Variants in ADAMTSL1 observed in about 807,000 individuals in gnomAD.
ADAMTSL1 encodes ADAMTS like 1.
A neutral mutation model predicts 201.8 loss-of-function variants in ADAMTSL1; 126 were observed. The ratio of observed to expected loss-of-function variants is 0.62; its 90% confidence interval spans 0.54 to 0.72. The LOEUF is 0.72. Among genes scored for constraint, ADAMTSL1 ranks in the 30% least tolerant of loss-of-function variants. The probability of loss-of-function intolerance (pLI) is 0.00; values close to 1 mark genes in which losing one functional copy is unlikely to be tolerated. For synonymous variants in ADAMTSL1, 1,121 were observed against 903.4 expected, an observed-to-expected ratio of 1.24 and a Z score of -4.32; for missense variants, 2,679 against 2,277.8, an observed-to-expected ratio of 1.18 and a Z score of -3.59.
At chr9:18,227,963 A>G (rs1416426001) in intron 2 of ADAMTSL1, among the ~76,000 whole-genome samples, 1 of 152,168 alleles carries the variant, frequency 6.6e-6, no homozygotes, top group African/African-American at 2.4e-5. Context: ...GGAACTCACA[A>G]TGCATTCTTC....
At chr9:18,168,229 G>A (rs1259970350) in intron 2 of ADAMTSL1, among the ~76,000 whole-genome samples, 6 of 151,694 alleles carry the variant, frequency 4.0e-5, no homozygotes, top group African/African-American at 1.2e-4. Flanking sequence ...TCATCATTTA[G>A]CATTAGGTAT....
intron 1 of ADAMTSL1, among the ~76,000 whole-genome samples, chr9:17,937,636 T>TG (rs372965640): frequency 0.017 from 2,508 of 151,364 alleles, 29 homozygotes; most frequent in Middle Eastern, 0.082. Flanking sequence ...ATCTTGTTGA[T>TG]TTAAATTCCT....
intron 5 of ADAMTSL1, among the ~76,000 whole-genome samples, chr9:18,628,892 G>C (rs947721234): frequency 3.9e-5 from 6 of 152,064 alleles, no homozygotes; most frequent in Non-Finnish European, 8.8e-5. Context: ...TCACTATGTT[G>C]CCCAGACTGA....
chr9:18,179,760 A>G (rs975752111), intron 2 of ADAMTSL1, among the ~76,000 whole-genome samples: 6 of 152,168 alleles, frequency 3.9e-5, no homozygotes, highest in African/African-American at 9.7e-5. Flanking sequence ...CCAGAATTTC[A>G]TATCCAGCCA....
chr9:18,448,483 C>G (rs1216424035), intron 2 of ADAMTSL1, among the ~76,000 whole-genome samples: 3 of 152,042 alleles, frequency 2.0e-5, no homozygotes, highest in African/African-American at 7.3e-5. Flanking sequence ...TTTTAAACCC[C>G]TAAAAGAATT....
rs1032907275 is a variant in ADAMTSL1, at chr9:18,745,336, C to T, written c.2007-7962C>T. ...TATTTATTTATGAATTTCCACTTTG[C>T]TCAAAGGATTAAAATATATTACTAT... On this transcript the variant is annotated intron_variant, in intron 15 of 28. Coordinates refer to ENST00000380548, the MANE Select transcript of ADAMTSL1 (RefSeq NM_001040272.6). Among the ~76,000 whole-genome samples the T allele has an allele frequency of 3.3e-5, 5 of 152,186 alleles. 1 individual carries two copies.
At chr9:18,526,033 A>T (rs943858267) in intron 2 of ADAMTSL1, among the ~76,000 whole-genome samples, 3 of 152,172 alleles carry the variant, frequency 2.0e-5, no homozygotes, top group Non-Finnish European at 4.4e-5. Context: ...TCCAATGTTG[A>T]CAGTGGGGTG....
At chr9:18,722,049 T>C (rs1409755860) in intron 15 of ADAMTSL1, among the ~76,000 whole-genome samples, 46 of 152,200 alleles carry the variant, frequency 3.0e-4, no homozygotes, top group Admixed American at 3.0e-3. Context: ...AATTGCAGAA[T>C]ATAAGGGCCT....
At chr9:18,431,517 A>G (rs1291034790) in intron 2 of ADAMTSL1, among the ~76,000 whole-genome samples, 2 of 152,232 alleles carry the variant, frequency 1.3e-5, no homozygotes, top group Non-Finnish European at 2.9e-5. Context: ...ATAGGACTCT[A>G]TACTAGAAAC....
chr9:18,033,661 G>A (rs905675436), intron 1 of ADAMTSL1, among the ~76,000 whole-genome samples: 16 of 152,166 alleles, frequency 1.1e-4, no homozygotes, highest in African/African-American at 3.9e-4. Flanking sequence ...CTCCAGGTTT[G>A]AACTTTAAGA....
intron 4 of ADAMTSL1, among the ~76,000 whole-genome samples, chr9:18,621,407 C>T (rs1826023732): frequency 6.6e-6 from 1 of 152,076 alleles, no homozygotes; most frequent in East Asian, 1.9e-4. Context: ...GACTCATGGC[C>T]TCAACTATAG....
At chr9:18,006,585 GTTACGCA>G (rs1283029788) in intron 1 of ADAMTSL1, among the ~76,000 whole-genome samples, 8 of 151,968 alleles carry the variant, frequency 5.3e-5, no homozygotes, top group African/African-American at 1.9e-4. Context: ...AACCAAGTTA[GTTACGCA>G]TGTGAAAAAG....
At chr9:18,207,692 G>A (rs763353172) in intron 2 of ADAMTSL1, among the ~76,000 whole-genome samples, 3 of 152,100 alleles carry the variant, frequency 2.0e-5, no homozygotes, top group African/African-American at 7.2e-5. Flanking sequence ...AACTTTCGAC[G>A]TGGCCTCATC....
chr9:18,571,912 G>A (rs944553188), intron 3 of ADAMTSL1, among the ~76,000 whole-genome samples: 1 of 152,170 alleles, frequency 6.6e-6, no homozygotes, highest in African/African-American at 2.4e-5. Context: ...GTTGTTTGTG[G>A]CCAGTTGCGG....
At chr9:18,443,514 G>T (rs1012541540) in intron 2 of ADAMTSL1, among the ~76,000 whole-genome samples, 2 of 152,328 alleles carry the variant, frequency 1.3e-5, no homozygotes, top group Admixed American at 1.3e-4. Flanking sequence ...TCTTTAGTAA[G>T]CCATGGGAGT....
chr9:18,881,492 T>A (rs568289493), intron 23 of ADAMTSL1, among the ~76,000 whole-genome samples: 1 of 152,330 alleles, frequency 6.6e-6, no homozygotes, highest in South Asian at 2.1e-4. Flanking sequence ...GCAGTCAGAA[T>A]ACAAACATTT....
chr9:18,780,313 C>T (rs1254702856), intron 19 of ADAMTSL1, among the ~76,000 whole-genome samples: 1 of 152,144 alleles, frequency 6.6e-6, no homozygotes, highest in East Asian at 1.9e-4. Flanking sequence ...CTACCTCCTT[C>T]CCTCATTTAC....
At chr9:18,369,454 C>A (rs1433482824) in intron 2 of ADAMTSL1, among the ~76,000 whole-genome samples, 5 of 152,060 alleles carry the variant, frequency 3.3e-5, no homozygotes, top group Non-Finnish European at 7.4e-5. Context: ...GTCAGAAGGG[C>A]TGTTATTAAA....
intron 1 of ADAMTSL1, among the ~76,000 whole-genome samples, chr9:17,985,495 A>C (rs1818888365): frequency 6.6e-6 from 1 of 152,118 alleles, no homozygotes; most frequent in African/African-American, 2.4e-5. Context: ...TCTGAGTACT[A>C]CAAAAAAGAT....
Sources: allele counts gnomAD v4.1 joint callset (sites outside exome capture counted in the v4.1 genomes callset), GRCh38; gene constraint gnomAD v4.1.1; transcripts MANE v1.5; gene names NCBI Gene and HGNC (gene_info 2026-07-23, HGNC 2026-07-21).